The following TMCC1 variants were observed in gnomAD, a reference collection of about 807,000 sequenced individuals.
TMCC1 encodes transmembrane and coiled-coil domain family 1.
TMCC1 carries 15 observed loss-of-function variants against 52.4 expected under a neutral mutation model. The ratio of observed to expected loss-of-function variants is 0.29; its 90% confidence interval spans 0.19 to 0.44. The LOEUF (loss-of-function observed/expected upper bound fraction) is 0.44. Ranked by LOEUF, TMCC1 falls within the 20% of genes least tolerant of loss-of-function variation. The pLI, the probability that TMCC1 is intolerant of heterozygous loss-of-function variation, is 1.00. For missense variants in TMCC1, 503 were observed against 806.0 expected, an observed-to-expected ratio of 0.62 and a Z score of 4.55; for synonymous variants, 279 against 301.9, an observed-to-expected ratio of 0.92 and a Z score of 0.79.
chr3:129,839,816 T>G (rs2059340930), intron 2 of TMCC1, among the ~76,000 whole-genome samples: 1 of 150,822 alleles, frequency 6.6e-6, no homozygotes. Flanking sequence ...GCCCAGGAGG[T>G]CCAGGCTACA....
intron 2 of TMCC1, among the ~76,000 whole-genome samples, chr3:129,851,867 T>A (rs1440837515): frequency 6.6e-6 from 1 of 151,988 alleles, no homozygotes; most frequent in Non-Finnish European, 1.5e-5. Flanking sequence ...AGGAAAAAAA[T>A]TGCCAGGCGT....
chr3:129,803,525 A>T (rs2057305737), intron 4 of TMCC1, among the ~76,000 whole-genome samples: 1 of 152,244 alleles, frequency 6.6e-6, no homozygotes, highest in East Asian at 1.9e-4. Context: ...ACAATAAAAA[A>T]AGCGATACTA....
At chr3:129,659,355 A>G (rs1288772708) in intron 5 of TMCC1, among the ~76,000 whole-genome samples, 4 of 151,666 alleles carry the variant, frequency 2.6e-5, no homozygotes, top group Admixed American at 6.6e-5. Flanking sequence ...TCAGCTTCCC[A>G]AAGTGCTGAG....
At chr3:129,702,034 T>C (rs1366359011) in intron 4 of TMCC1, among the ~76,000 whole-genome samples, 1 of 152,124 alleles carries the variant, frequency 6.6e-6, no homozygotes, top group East Asian at 1.9e-4. Flanking sequence ...TCCTGAGAAA[T>C]AGTATAGAAT....
chr3:129,848,581 A>C (rs1226957619), intron 2 of TMCC1, among the ~76,000 whole-genome samples: 1 of 152,170 alleles, frequency 6.6e-6, no homozygotes, highest in Non-Finnish European at 1.5e-5. Context: ...CAACTGGCAA[A>C]ACCCCAATCC....
At chr3:129,712,745 G>A (rs2048798939) in intron 4 of TMCC1, among the ~76,000 whole-genome samples, 2 of 151,932 alleles carry the variant, frequency 1.3e-5, no homozygotes, top group South Asian at 2.1e-4. Context: ...GAGCCACCAC[G>A]CCTGGCCATT....
chr3:129,856,581 C>T (rs1183969326), intron 2 of TMCC1, among the ~76,000 whole-genome samples: 2 of 152,080 alleles, frequency 1.3e-5, no homozygotes, highest in Non-Finnish European at 2.9e-5. Context: ...GTATGAGCAA[C>T]GAAAAACAAC....
intron 1 of TMCC1, among the ~76,000 whole-genome samples, chr3:129,891,903 C>T (rs1170204189): frequency 1.3e-5 from 2 of 152,176 alleles, no homozygotes; most frequent in Non-Finnish European, 2.9e-5. Flanking sequence ...CAAGAAGGCC[C>T]AGTTTAAAGT....
chr3:129,708,113 G>A (rs1478252690), intron 4 of TMCC1, among the ~76,000 whole-genome samples: 3 of 152,098 alleles, frequency 2.0e-5, no homozygotes, highest in African/African-American at 7.2e-5. Flanking sequence ...ATGATTAATT[G>A]ATAACAAATG....
intron 2 of TMCC1, among the ~76,000 whole-genome samples, chr3:129,871,514 A>G (rs2060929391): frequency 6.6e-6 from 1 of 152,102 alleles, no homozygotes; most frequent in African/African-American, 2.4e-5. Flanking sequence ...TCATTTATAA[A>G]TTTTTTGGTA....
At chr3:129,656,864 T>C (rs2086699790) in intron 5 of TMCC1, 1 of 152,190 alleles carries the variant, frequency 6.6e-6, no homozygotes, top group South Asian at 2.1e-4. Context: ...GAGTACGTGA[T>C]CAGGAACAGG....
chr3:129,699,455 C>G (rs553403961), intron 4 of TMCC1, among the ~76,000 whole-genome samples: 1 of 152,272 alleles, frequency 6.6e-6, no homozygotes, highest in Admixed American at 6.5e-5. Context: ...ATTGCCCACC[C>G]CTTTCTCAGA....
chr3:129,864,939 T>G (rs1577137151), intron 2 of TMCC1, among the ~76,000 whole-genome samples: 1 of 152,206 alleles, frequency 6.6e-6, no homozygotes, highest in Non-Finnish European at 1.5e-5. Context: ...CAGTCATTTA[T>G]CCATTTGGCA....
chr3:129,689,400 G>A (rs2089638512), intron 4 of TMCC1, among the ~76,000 whole-genome samples: 1 of 152,148 alleles, frequency 6.6e-6, no homozygotes, highest in East Asian at 1.9e-4. Flanking sequence ...AAGCAGTTGT[G>A]GGGAACACAC....
At chr3:129,876,201 T>C (rs528605322) in intron 2 of TMCC1, among the ~76,000 whole-genome samples, 14 of 151,570 alleles carry the variant, frequency 9.2e-5, no homozygotes, top group African/African-American at 3.4e-4. Context: ...CTTTTGATAA[T>C]TGCTATGTTG....
At chr3:129,778,119 G>A (rs994300422) in intron 4 of TMCC1, among the ~76,000 whole-genome samples, 3 of 152,082 alleles carry the variant, frequency 2.0e-5, no homozygotes, top group Non-Finnish European at 2.9e-5. Flanking sequence ...TCCAGACCAC[G>A]TGGGCAGTAG....
chr3:129,802,151 T>C (rs1262907492), intron 4 of TMCC1, among the ~76,000 whole-genome samples: 2 of 152,210 alleles, frequency 1.3e-5, no homozygotes, highest in East Asian at 3.8e-4. Context: ...TTCTATTACC[T>C]TATTTCTACA....
intron 4 of TMCC1, among the ~76,000 whole-genome samples, chr3:129,760,698 C>G (rs1260656573): frequency 6.6e-6 from 1 of 151,678 alleles, no homozygotes; most frequent in African/African-American, 2.4e-5. Flanking sequence ...AGGATGGTCT[C>G]GATCTCCTGA....
At chr3:129,792,457 C>A (rs1312761357) in intron 4 of TMCC1, among the ~76,000 whole-genome samples, 1 of 152,012 alleles carries the variant, frequency 6.6e-6, no homozygotes, top group African/African-American at 2.4e-5. Context: ...AAGCGATTCT[C>A]CTGCGTCGTC....
Sources: allele counts gnomAD v4.1 joint callset (sites outside exome capture counted in the v4.1 genomes callset), GRCh38; gene constraint gnomAD v4.1.1; transcripts MANE v1.5; gene names NCBI Gene and HGNC (gene_info 2026-07-23, HGNC 2026-07-21).